SPRY4: variants seen among roughly 807,000 people sequenced by gnomAD.
The protein encoded by SPRY4 is sprouty RTK signaling antagonist 4.
Under a neutral mutation model 17.0 loss-of-function variants are expected in SPRY4, and 7 were observed. The observed-to-expected ratio is 0.41, with a 90% CI of 0.23 to 0.77. The LOEUF is 0.77. Ranked by LOEUF, SPRY4 falls within the 30% of genes least tolerant of loss-of-function variation. SPRY4 has a pLI of 0.32. For synonymous variants in SPRY4, 183 were observed against 174.1 expected, an observed-to-expected ratio of 1.05 and a Z score of -0.40; for missense variants, 435 against 419.9, an observed-to-expected ratio of 1.04 and a Z score of -0.31.
At chr5:142,324,711 G>A (rs1196059361) in intron 1 of SPRY4, 133 bp downstream of exon 1, 6 of 152,746 alleles carry the variant, frequency 3.9e-5, no homozygotes, top group Admixed American at 1.3e-4. Flanking sequence ...GCGACTCAAG[G>A]AGGCGCAGGC....
Position 142,314,134 on chromosome 5 carries a change from C to T in SPRY4, c.*75G>A, listed in dbSNP as rs901008283. ...AGCCTCAGGAGGCTAAAACCTCTGA[C>T]CTTGCTGCAGTCTTCTTAGATGTCA... is the stretch of plus-strand genomic sequence containing the variant. On this transcript the variant is annotated 3_prime_UTR_variant, in exon 2 of 2. Coordinates refer to ENST00000434127, the MANE Select transcript of SPRY4 (RefSeq NM_001127496.3). This position sits in a 1 kb window ranked among gnomAD's most constrained non-coding sequence, Gnocchi z 4.8. The T allele has an allele frequency of 1.4e-6, 2 of 1,480,764 alleles. No homozygotes were observed. Among genetic ancestry groups the T allele is most frequent in the East Asian group, 4.7e-5 (2 of 42,196 alleles). 91.7% of individuals were successfully genotyped at this position (1,480,764 alleles called of 1,614,324 possible).
chr5:142,317,218 A>G (rs1371638121), intron 1 of SPRY4: 9 of 985,364 alleles, frequency 9.1e-6, no homozygotes, highest in Non-Finnish European at 1.1e-5. Context: ...TAGGAATTCC[A>G]GGGAATGCTA....
At chr5:142,323,694 G>C (rs1354765452) in intron 1 of SPRY4, among the ~76,000 whole-genome samples, 5 of 152,132 alleles carry the variant, frequency 3.3e-5, no homozygotes, top group Non-Finnish European at 5.9e-5. Context: ...CAATCAAGGA[G>C]AATTGAGAAA....
At position 142,314,539 on chromosome 5, in the gene SPRY4, G is replaced by A; in HGVS notation, c.570C>T (p.Ala190=). 6.2e-7 allele frequency: 1 copy of A among 1,614,226 alleles called. No individual in the cohort carries two copies. The highest frequency in any genetic ancestry group is 8.5e-7 in the Non-Finnish European group (1 of 1,180,044). ...WVCNQECLCS[A]QTLVNYGTCM... ...ACGTGCCATAGTTGACCAGAGTCTG[G>A]GCTGAGCACAGGCACTCCTGGTTGC... is the stretch of plus-strand genomic sequence containing the variant. The change falls in exon 2 of 2, where the codon GCC becomes GCT. Residue 190 remains alanine (A), a synonymous_variant. Coordinates refer to ENST00000434127, the MANE Select transcript of SPRY4 (RefSeq NM_001127496.3). This position sits in a 1 kb window ranked among gnomAD's most constrained non-coding sequence, Gnocchi z 4.8.
chr5:142,323,717 A>G (rs986077005), intron 1 of SPRY4, among the ~76,000 whole-genome samples: 1 of 152,132 alleles, frequency 6.6e-6, no homozygotes, highest in African/African-American at 2.4e-5. Flanking sequence ...GTCTTCTTGC[A>G]CAAGAGCAGC....
Position 142,314,664 on chromosome 5 carries a change from G to A in SPRY4, c.445C>T (p.Pro149Ser). 1 of 1,614,212 alleles carries A rather than the reference G, an allele frequency of 6.2e-7. No individual in the cohort carries two copies. The highest frequency in any genetic ancestry group is 8.5e-7 in the Non-Finnish European group (1 of 1,180,032). ...AAGAAGTGCTTGTCCAGCTCGGGTGGGACCGCCGGGCCCTTGAGGTCCAGC... is the reference window on the plus strand; with the variant it reads ...AAGAAGTGCTTGTCCAGCTCGGGTGAGACCGCCGGGCCCTTGAGGTCCAGC... The part of the protein sequence containing the change: ...QPLDLKGPAV[P>S]PELDKHFLLC... The change falls in exon 2 of 2, where the codon CCA becomes TCA. Residue 149 changes from proline to serine, a missense_variant. Physicochemically the swap from Pro to Ser is moderately conservative, Grantham distance 74. Transcript: ENST00000434127. This position sits in a 1 kb window ranked among gnomAD's most constrained non-coding sequence, Gnocchi z 4.8.
rs553491984 is a variant in SPRY4 at position 142,314,276 on chromosome 5, G to C, written c.833C>G (p.Thr278Arg). The C allele has an allele frequency of 1.2e-6, 2 of 1,613,520 alleles. No individual in the cohort carries two copies. The highest frequency in any genetic ancestry group is 1.7e-6 in the Non-Finnish European group (2 of 1,180,006). ...LRRPGCRCKH[T>R]NSVICKAASG... ...GGCTGCTTTGCAGATGACGCTGTTC[G>C]TGTGCTTGCAGCGGCAACCAGGGCG... Residue 278 changes from threonine to arginine, a missense_variant, in exon 2 of 2, where the codon ACG becomes AGG. Transcript: ENST00000434127. This position sits in a 1 kb window ranked among gnomAD's most constrained non-coding sequence, Gnocchi z 4.8.
intron 1 of SPRY4, chr5:142,318,139 A>C (rs1461168931): frequency 3.0e-6 from 3 of 985,116 alleles, no homozygotes; most frequent in Non-Finnish European, 3.6e-6. Flanking sequence ...CCTATTTAAG[A>C]ACCCCTCAGC....
intron 1 of SPRY4, chr5:142,318,028 A>C: frequency 1.0e-6 from 1 of 985,326 alleles, no homozygotes; most frequent in Non-Finnish European, 1.2e-6. Flanking sequence ...CAAAAACCAA[A>C]TCAGAGTTCC....
At position 142,314,747 on chromosome 5, in the gene SPRY4, G is replaced by A; in HGVS notation, c.362C>T (p.Ala121Val). The change falls in exon 2 of 2, where the codon GCT becomes GTT. Residue 121 changes from alanine to valine, a missense_variant. Coordinates refer to ENST00000434127, the MANE Select transcript of SPRY4 (RefSeq NM_001127496.3). This position sits in a 1 kb window ranked among gnomAD's most constrained non-coding sequence, Gnocchi z 4.8. ...CACAGCCCTTGGTGAGGCCTGGTCA[G>A]CCACGGGTGGTGGTGCCATGTGGTC... ...LLDHMAPPPVADQASPRAVRI... is the reference protein window; with the variant it reads ...LLDHMAPPPVVDQASPRAVRI... 5.0e-6 allele frequency: 8 copies of A among 1,605,784 alleles called. No individual in the cohort carries two copies. The highest frequency in any genetic ancestry group is 2.2e-5 in the East Asian group (1 of 44,594).
chr5:142,317,139 C>T, intron 1 of SPRY4: 3 of 985,454 alleles, frequency 3.0e-6, no homozygotes, highest in Non-Finnish European at 3.6e-6. Context: ...GTGGTCAGGG[C>T]TGGAGAGAGG....
chr5:142,324,311 CG>C (rs1208527364), intron 1 of SPRY4: 3 of 152,300 alleles, frequency 2.0e-5, no homozygotes, highest in Admixed American at 2.0e-4. Context: ...GAATTCAGTC[CG>C]TCACGGCTCC....
chr5:142,317,652 T>C, intron 1 of SPRY4: 1 of 985,102 alleles, frequency 1.0e-6, no homozygotes, highest in South Asian at 4.7e-5. Flanking sequence ...TGAGGTTCTT[T>C]AAAAACAGCC....
At chr5:142,322,483 A>AAAAAATATATAT (rs79291595) in intron 1 of SPRY4, among the ~76,000 whole-genome samples, 1 of 117,528 alleles carries the variant, frequency 8.5e-6, no homozygotes, top group African/African-American at 2.7e-5. Flanking sequence ...AAAAAAAAAA[A>AAAAAATATATAT]ATATATATAT....
chr5:142,316,717 A>T (rs571472353), intron 1 of SPRY4, among the ~76,000 whole-genome samples: 10 of 152,328 alleles, frequency 6.6e-5, no homozygotes, highest in Non-Finnish European at 1.3e-4. Context: ...TGTCTAAAAT[A>T]AAAAGCTAGC....
At chr5:142,318,490 A>G (rs146920457) in intron 1 of SPRY4, among the ~76,000 whole-genome samples, 114 of 150,148 alleles carry the variant, frequency 7.6e-4, no homozygotes, top group African/African-American at 2.7e-3. Flanking sequence ...AGTCTCAAGA[A>G]AAAAAAAAAG....
At chr5:142,322,060 A>G (rs1026453715) in intron 1 of SPRY4, among the ~76,000 whole-genome samples, 2 of 136,348 alleles carry the variant, frequency 1.5e-5, no homozygotes, top group Non-Finnish European at 3.3e-5. Flanking sequence ...TTTATTATTC[A>G]CGAAAGTCAG....
At chr5:142,319,766 C>G (rs1317158268) in intron 1 of SPRY4, 7 of 1,612,380 alleles carry the variant, frequency 4.3e-6, no homozygotes, top group African/African-American at 4.0e-5. Context: ...GGCTGAGCAT[C>G]AGGCTGCAAA....
At chr5:142,319,941 A>G in intron 1 of SPRY4, 1 of 720,332 alleles carries the variant, frequency 1.4e-6, no homozygotes, top group Non-Finnish European at 2.2e-6. Context: ...TGAAAGCTAC[A>G]GGTCAGCTAA....
Sources: gnomAD v4.1 joint callset for allele counts (sites outside exome capture counted in the v4.1 genomes callset) on GRCh38, gnomAD v4.1.1 for gene constraint, Gnocchi (gnomAD v3.1) non-coding constraint, MANE v1.5 for transcripts, NCBI Gene and HGNC (gene_info 2026-07-23, HGNC 2026-07-21) for gene names.